Variants in NEIL2 observed in about 807,000 individuals in gnomAD.
The protein encoded by NEIL2 is nei like DNA glycosylase 2.
In NEIL2, 23 loss-of-function variants were observed where a neutral mutation model predicts 22.2. The ratio of observed to expected loss-of-function variants is 1.04; its 90% CI spans 0.75 to 1.47. The LOEUF (loss-of-function observed/expected upper bound fraction) is 1.47. Among genes scored for constraint, NEIL2 ranks in the 40% most tolerant of loss-of-function variants. The pLI is 0.00. For synonymous variants in NEIL2, 229 were observed against 164.8 expected (o/e 1.39, Z -2.99); for missense variants, 583 against 404.7 (o/e 1.44, Z -3.78).
chr8:11,773,773 T>C (rs1330131952), intron 2 of NEIL2, among the ~76,000 whole-genome samples: 1 of 152,130 alleles, frequency 6.6e-6, no homozygotes, highest in African/African-American at 2.4e-5. Context: ...TTGTCAGCTC[T>C]CCATTTTCTA....
rs781466360 is a variant in NEIL2, at chr8:11,779,823, G to A, written c.364G>A (p.Ala122Thr). Residue 122 changes from alanine (A) to threonine (T), a missense_variant, in exon 3 of 5, where the codon GCC (alanine) becomes ACC (threonine). Ala to Thr is a moderately conservative substitution (Grantham distance 58). Transcript: ENST00000284503. ...TGATTCTGAGTATTTGGAGAGAGAC[G>A]CCCCTGCAGGAGATGCTGGGAGGTG... ...EDDSEYLERD[A>T]PAGDAGRWLR... 4.2e-5 allele frequency: 67 copies of A among 1,614,024 alleles called. No homozygotes were observed. The highest frequency in any genetic ancestry group is 3.3e-4 in the Middle Eastern group (2 of 6,084).
intron 3 of NEIL2, among the ~76,000 whole-genome samples, chr8:11,782,188 C>T (rs935420720): frequency 2.6e-5 from 4 of 152,004 alleles, no homozygotes; most frequent in African/African-American, 9.7e-5. Flanking sequence ...TTTACGAGGC[C>T]GAGGCAGGTG....
intron 2 of NEIL2, among the ~76,000 whole-genome samples, chr8:11,774,301 G>A (rs1803724708): frequency 6.6e-6 from 1 of 151,504 alleles, no homozygotes; most frequent in African/African-American, 2.4e-5. Flanking sequence ...CTTGAACCCA[G>A]GAGACAGAGG....
In NEIL2 at chr8:11,771,300, C is replaced by T. The variant is rs570874220; in HGVS notation, c.-2-146C>T. 1.7e-5 allele frequency: 17 copies of T among 974,480 alleles called. No homozygotes were observed. In the African/African-American group the frequency reaches 1.7e-4, roughly 10 times the overall value. 60.4% of individuals were successfully genotyped at this position (974,480 alleles called of 1,614,324 possible). A position where few individuals can be genotyped will look rare whatever the true frequency, so the allele number is the denominator to read the frequency against. On this transcript the variant is annotated intron_variant, in intron 1 of 4. Coordinates refer to ENST00000284503, the MANE Select transcript of NEIL2 (RefSeq NM_145043.4). The stretch of plus-strand genomic sequence containing the variant: ...CTCTTCTCTATGATCTGACCGCCTC[C>T]CAGCCACACTCCCTTTTTGGCCATG...
intron 3 of NEIL2, among the ~76,000 whole-genome samples, chr8:11,781,564 G>A (rs1804424731): frequency 6.6e-6 from 1 of 152,216 alleles, no homozygotes; most frequent in African/African-American, 2.4e-5. Context: ...ATTGAAATGT[G>A]CTCCCCGAAG....
intron 2 of NEIL2, among the ~76,000 whole-genome samples, chr8:11,773,594 C>G (rs916469886): frequency 7.2e-5 from 11 of 152,142 alleles, no homozygotes; most frequent in African/African-American, 2.2e-4. Context: ...TGAGTTGGGC[C>G]TTGAAGGCTG....
intron 4 of NEIL2, among the ~76,000 whole-genome samples, chr8:11,785,321 G>T (rs1804808529): frequency 6.6e-6 from 1 of 152,276 alleles, no homozygotes; most frequent in Non-Finnish European, 1.5e-5. Context: ...TCAGCCACCT[G>T]AGTAGCTGCG....
chr8:11,776,883 C>G (rs996792448), intron 2 of NEIL2, among the ~76,000 whole-genome samples: 3 of 152,186 alleles, frequency 2.0e-5, no homozygotes, highest in African/African-American at 7.2e-5. Context: ...TGCTCCTCCT[C>G]TTGGTCCTGA....
At chr8:11,784,023 A>G (rs1405112754) in intron 4 of NEIL2, among the ~76,000 whole-genome samples, 1 of 151,320 alleles carries the variant, frequency 6.6e-6, no homozygotes, top group Non-Finnish European at 1.5e-5. Flanking sequence ...TAGCGGGACT[A>G]TGACAGCGTG....
chr8:11,779,296 T>G (rs1804184374), intron 2 of NEIL2, among the ~76,000 whole-genome samples: 1 of 152,264 alleles, frequency 6.6e-6, no homozygotes, highest in Non-Finnish European at 1.5e-5. Context: ...TGTTCATTTC[T>G]TAGCTACTGC....
At chr8:11,779,475 T>C in intron 2 of NEIL2, 123 bp from the exon 3 acceptor site, 1 of 835,662 alleles carries the variant, frequency 1.2e-6, no homozygotes, top group East Asian at 2.4e-5. Context: ...GTCCAAAGAC[T>C]TCATTTGGGA....
At chr8:11,774,919 C>T (rs1803778016) in intron 2 of NEIL2, among the ~76,000 whole-genome samples, 1 of 152,260 alleles carries the variant, frequency 6.6e-6, no homozygotes, top group Admixed American at 6.5e-5. Context: ...GCAGCTCTGC[C>T]TCTGTGGCTT....
chr8:11,783,211 T>C lies in NEIL2; in HGVS notation c.500T>C (p.Leu167Pro), dbSNP rs765640197. The part of the protein sequence containing the change: ...DWRDPSPRLV[L>P]HFGGGGFLAF... Reference sequence around the variant, plus strand: ...CTGTTCTTTCTTCCCAGGTTGGTCCTGCACTTTGGTGGTGGTGGCTTCCTG... The same window carrying C: ...CTGTTCTTTCTTCCCAGGTTGGTCCCGCACTTTGGTGGTGGTGGCTTCCTG... Residue 167 changes from leucine to proline, a missense_variant, in exon 4 of 5, where the codon CTG becomes CCG. Physicochemically the swap from Leu to Pro is moderately conservative, Grantham distance 98 (BLOSUM62 -3). Transcript: ENST00000284503. The C allele has an allele frequency of 3.9e-5, 63 of 1,614,124 alleles. No individual in the cohort carries two copies. Among genetic ancestry groups the C allele is most frequent in the Non-Finnish European group, 5.1e-6 (6 of 1,180,032 alleles).
chr8:11,783,546 T>C, intron 4 of NEIL2, 147 bp downstream of exon 4: 1 of 718,196 alleles, frequency 1.4e-6, no homozygotes, highest in Non-Finnish European at 2.5e-6. Context: ...TTCTTTTACT[T>C]CCCTTGTTTT....
chr8:11,785,032 C>T (rs1428312820), intron 4 of NEIL2, among the ~76,000 whole-genome samples: 2 of 152,050 alleles, frequency 1.3e-5, no homozygotes, highest in Non-Finnish European at 2.9e-5. Flanking sequence ...TCACGCCTCA[C>T]TAATTTTTAA....
intron 2 of NEIL2, among the ~76,000 whole-genome samples, chr8:11,775,145 G>A (rs796563609): frequency 2.6e-5 from 4 of 152,376 alleles, no homozygotes; most frequent in African/African-American, 9.6e-5. Context: ...CCCTAGCAGA[G>A]GTTCTCAATG....
chr8:11,781,225 C>A (rs977830467), intron 3 of NEIL2, among the ~76,000 whole-genome samples: 1 of 152,088 alleles, frequency 6.6e-6, no homozygotes, highest in African/African-American at 2.4e-5. Flanking sequence ...AAAAATAACT[C>A]GGAGTAGCTT....
Position 11,779,922 on chromosome 8 carries a change from A to AGGGGGGACT in NEIL2, c.466_474dup (p.Gly156_Trp158dup), listed in dbSNP as rs1352744753. ...CTCCAGAGCCAAGAAAGCCAACAAG[A>AGGGGGGACT]GGGGGGACTGGAGGGACCCTTCCCC... On this transcript the variant is annotated inframe_insertion, in exon 3 of 5. Transcript: ENST00000284503. The AGGGGGGACT allele has an allele frequency of 6.2e-7, 1 of 1,613,950 alleles. No individual in the cohort carries two copies. Among genetic ancestry groups the AGGGGGGACT allele is most frequent in the Non-Finnish European group, 8.5e-7 (1 of 1,179,990 alleles).
rs1253904140 is a variant in NEIL2 at position 11,786,088 on chromosome 8, C to A, written c.814C>A (p.Leu272Met). 1 of 1,614,200 alleles carries A rather than the reference C, an allele frequency of 6.2e-7. No individual in the cohort carries two copies. The highest frequency in any genetic ancestry group is 1.3e-5 in the African/African-American group (1 of 75,050). The change falls in exon 5 of 5, where the codon CTG (leucine) becomes ATG (methionine). Residue 272 changes from leucine (L) to methionine (M), a missense_variant. By Grantham distance (15) the Leu-to-Met change is conservative. Transcript: ENST00000284503. ...DHVVEFSTAW[L>M]QGKFQGRPQH... ...CGTGGTGGAGTTCAGTACAGCCTGG[C>A]TGCAGGGCAAGTTCCAAGGCAGACC...
Sources: gnomAD v4.1 joint callset for allele counts (sites outside exome capture counted in the v4.1 genomes callset) on GRCh38, gnomAD v4.1.1 for gene constraint, MANE v1.5 for transcripts, NCBI Gene and HGNC (gene_info 2026-07-23, HGNC 2026-07-21) for gene names.